PKD2L2: variants seen among roughly 807,000 people sequenced by gnomAD.
PKD2L2 encodes the protein polycystin-2-like protein 2.
A neutral mutation model predicts 83.9 loss-of-function variants in PKD2L2; 67 were observed. The ratio of observed to expected loss-of-function variants is 0.80; its 90% CI spans 0.66 to 0.98. PKD2L2 has a LOEUF of 0.98. PKD2L2 is among the 50% of genes least tolerant of loss of function. The pLI, the probability that PKD2L2 is intolerant of heterozygous loss-of-function variation, is 0.00. For synonymous variants in PKD2L2, 223 were observed against 237.8 expected (o/e 0.94, Z 0.57); for missense variants, 632 against 717.2 (o/e 0.88, Z 1.36).
chr5:137,931,183 C>T (rs1236814728), intron 12 of PKD2L2, among the ~76,000 whole-genome samples: 3 of 152,096 alleles, frequency 2.0e-5, no homozygotes, highest in African/African-American at 7.2e-5. Flanking sequence ...TAAACAAATC[C>T]ATTCTGTAGA....
In PKD2L2 at chr5:137,936,306, T is replaced by G; in HGVS notation, c.1785-14T>G. ...ATTACTGACTCATTCTCTACTTCCT[T>G]CGAAATTTTCTAGACTTTTTTTATA... On this transcript the variant is annotated splice_polypyrimidine_tract_variant and intron_variant, in intron 13 of 14. Transcript: ENST00000508883. The G allele has an allele frequency of 6.6e-7, 1 of 1,526,286 alleles. No homozygotes were observed. Among genetic ancestry groups the G allele is most frequent in the Non-Finnish European group, 8.8e-7 (1 of 1,138,208 alleles). The allele number at this position is 1,526,286 out of a possible 1,614,324, so 94.5% of individuals were successfully genotyped here. A position where few individuals can be genotyped will look rare whatever the true frequency, so the allele number is the denominator to read the frequency against.
intron 4 of PKD2L2, among the ~76,000 whole-genome samples, chr5:137,895,112 A>G (rs924605673): frequency 6.6e-6 from 1 of 152,070 alleles, no homozygotes; most frequent in Non-Finnish European, 1.5e-5. Flanking sequence ...CAAAGATGCT[A>G]TGGCCATTGT....
chr5:137,923,562 C>T (rs13188503), intron 10 of PKD2L2, 41 bp downstream of exon 10: 932,339 of 937,138 alleles, frequency 0.99, 463,948 homozygotes, highest in East Asian at 1. Context: ...CTAAGACAAA[C>T]CTCATATAGT....
At chr5:137,895,549 G>C (rs1031702465) in intron 4 of PKD2L2, among the ~76,000 whole-genome samples, 5 of 150,388 alleles carry the variant, frequency 3.3e-5, no homozygotes, top group Non-Finnish European at 7.4e-5. Flanking sequence ...CCTTGACACA[G>C]AAGCTGCTGG....
intron 5 of PKD2L2, among the ~76,000 whole-genome samples, chr5:137,901,146 A>AAG (rs1554106001): frequency 5.3e-5 from 8 of 152,010 alleles, no homozygotes; most frequent in Admixed American, 3.3e-4. Flanking sequence ...CAAAAAAAAA[A>AAG]AAAGAAAGAA....
intron 8 of PKD2L2, among the ~76,000 whole-genome samples, chr5:137,911,858 C>T (rs1580935114): frequency 6.6e-6 from 1 of 152,194 alleles, no homozygotes; most frequent in East Asian, 1.9e-4. Flanking sequence ...CCCTCTGCTT[C>T]TATGACTTCA....
At chr5:137,904,531 T>C (rs1027699490) in intron 5 of PKD2L2, among the ~76,000 whole-genome samples, 2 of 151,974 alleles carry the variant, frequency 1.3e-5, no homozygotes, top group African/African-American at 4.8e-5. Context: ...GAAAACCAAA[T>C]ACTGCATGTT....
At chr5:137,931,829 T>C (rs974618931) in intron 12 of PKD2L2, among the ~76,000 whole-genome samples, 4 of 152,192 alleles carry the variant, frequency 2.6e-5, no homozygotes, top group Non-Finnish European at 1.5e-5. Flanking sequence ...AAACTGCCTT[T>C]ACTTATGATT....
At chr5:137,932,424 A>G (rs1759951672) in intron 12 of PKD2L2, among the ~76,000 whole-genome samples, 1 of 152,228 alleles carries the variant, frequency 6.6e-6, no homozygotes, top group Admixed American at 6.5e-5. Flanking sequence ...GCCCACTCAG[A>G]AAGAAACCAT....
intron 5 of PKD2L2, among the ~76,000 whole-genome samples, chr5:137,905,668 A>G (rs1757308724): frequency 6.6e-6 from 1 of 152,200 alleles, no homozygotes; most frequent in Admixed American, 6.5e-5. Flanking sequence ...GTTTGCATAT[A>G]GATCTTTGTA....
intron 13 of PKD2L2, 90 bp from the exon 14 acceptor site, chr5:137,936,230 T>A: frequency 8.7e-7 from 1 of 1,151,758 alleles, no homozygotes; most frequent in Non-Finnish European, 1.2e-6. Flanking sequence ...TACAATTCTA[T>A]CTTCCCAAAG....
chr5:137,917,522 G>T (rs1462314769), intron 8 of PKD2L2, among the ~76,000 whole-genome samples: 1 of 151,982 alleles, frequency 6.6e-6, no homozygotes, highest in African/African-American at 2.4e-5. Context: ...CTATCTTCAA[G>T]TTCATTGATT....
Position 137,889,460 on chromosome 5 carries a change from C to T in PKD2L2, c.-32C>T. The T allele has an allele frequency of 6.3e-7, 1 of 1,585,036 alleles. No individual in the cohort carries two copies. Among genetic ancestry groups the T allele is most frequent in the Admixed American group, 1.8e-5 (1 of 56,294 alleles). ...AGCGCGCAAGCGCCGCGGCCTCAGG[C>T]GAACGAACGGGCGGTGTAGTGCAGG... On this transcript the variant is annotated 5_prime_UTR_variant, in exon 1 of 15. Coordinates refer to ENST00000508883, the MANE Select transcript of PKD2L2 (RefSeq NM_001300921.2).
chr5:137,899,029 T>G (rs1483026107), intron 4 of PKD2L2, among the ~76,000 whole-genome samples: 1 of 152,234 alleles, frequency 6.6e-6, no homozygotes, highest in African/African-American at 2.4e-5. Context: ...CCTTAATGCA[T>G]TGTCTTGCTT....
chr5:137,937,505 G>A (rs560725525), intron 14 of PKD2L2, among the ~76,000 whole-genome samples: 3 of 152,254 alleles, frequency 2.0e-5, no homozygotes, highest in Admixed American at 6.5e-5. Flanking sequence ...TCTAGGCTAT[G>A]TAAGCCCCCC....
intron 5 of PKD2L2, 30 bp downstream of exon 5, chr5:137,899,767 C>CCACTGTCTATGAA: frequency 7.4e-7 from 1 of 1,346,846 alleles, no homozygotes; most frequent in Non-Finnish European, 1.1e-6. Flanking sequence ...TTTTCATAGA[C>CCACTGTCTATGAA]AGTGGTCAAT....
chr5:137,918,813 T>C (rs1260125301), intron 8 of PKD2L2, among the ~76,000 whole-genome samples: 1 of 151,650 alleles, frequency 6.6e-6, no homozygotes, highest in Non-Finnish European at 1.5e-5. Flanking sequence ...AGAAATAAGT[T>C]TCCCATGGTT....
At chr5:137,921,126 C>A (rs749551020) in intron 8 of PKD2L2, among the ~76,000 whole-genome samples, 1 of 151,990 alleles carries the variant, frequency 6.6e-6, no homozygotes, top group Non-Finnish European at 1.5e-5. Flanking sequence ...TTTGGGAGGC[C>A]GAGGTGGGCG....
Position 137,894,494 on chromosome 5 carries a change from C to T in PKD2L2, c.409C>T (p.Arg137Cys), listed in dbSNP as rs1175024536. The part of the protein sequence containing the change: ...GVPRVRQLKV[R>C]NNTCKVYSSF... ...TCCCAGAGTTCGTCAACTAAAAGTC[C>T]GCAACAACACATGCAAAGTCTATTC... is the stretch of plus-strand genomic sequence containing the variant. Residue 137 changes from arginine (R) to cysteine (C), a missense_variant, in exon 4 of 15, where the codon CGC (arginine) becomes TGC (cysteine). This residue lies in a region of PKD2L2 where 229 missense variants were observed against 281.5 expected (regional missense o/e 0.81). Coordinates refer to ENST00000508883, the MANE Select transcript of PKD2L2 (RefSeq NM_001300921.2). 3.7e-6 allele frequency: 6 copies of T among 1,613,706 alleles called. No individual in the cohort carries two copies. Among genetic ancestry groups the T allele is most frequent in the African/African-American group, 2.7e-5 (2 of 74,878 alleles).
Sources: allele counts gnomAD v4.1 joint callset (sites outside exome capture counted in the v4.1 genomes callset), GRCh38; gene constraint gnomAD v4.1.1; regional missense constraint gnomAD v4.1.1; transcripts MANE v1.5; gene names NCBI Gene and HGNC (gene_info 2026-07-23, HGNC 2026-07-21).